Variants in ENPP6 observed in about 807,000 individuals in gnomAD.
ENPP6 encodes glycerophosphocholine cholinephosphodiesterase ENPP6.
ENPP6 carries 32 observed loss-of-function variants against 42.0 expected under a neutral mutation model. That is an observed-to-expected ratio of 0.76 (90% CI 0.58 to 1.02). ENPP6 has a LOEUF of 1.02. Among genes scored for constraint, ENPP6 ranks in the 50% least tolerant of loss-of-function variants. The pLI, the probability that ENPP6 is intolerant of heterozygous loss-of-function variation, is 0.00. For missense variants in ENPP6, 552 were observed against 566.8 expected (o/e 0.97, Z 0.27); for synonymous variants, 213 against 216.0 (o/e 0.99, Z 0.12).
intron 1 of ENPP6, among the ~76,000 whole-genome samples, chr4:184,161,474 G>T (rs1053595472): frequency 3.3e-5 from 5 of 152,148 alleles, no homozygotes; most frequent in Non-Finnish European, 5.9e-5. Context: ...AAGTGTGGAG[G>T]TTCCTTAAGA....
At chr4:184,110,473 T>C (rs1736180405) in intron 6 of ENPP6, among the ~76,000 whole-genome samples, 1 of 152,252 alleles carries the variant, frequency 6.6e-6, no homozygotes, top group South Asian at 2.1e-4. Flanking sequence ...TAACTGTGTA[T>C]GTTTTCTTCT....
intron 1 of ENPP6, among the ~76,000 whole-genome samples, chr4:184,157,499 T>A (rs1737183482): frequency 6.6e-6 from 1 of 151,398 alleles, no homozygotes; most frequent in African/African-American, 2.4e-5. Context: ...CTTTCCTTTC[T>A]TTCCTCTTTT....
At chr4:184,150,751 A>G (rs1737010450) in intron 2 of ENPP6, among the ~76,000 whole-genome samples, 1 of 152,238 alleles carries the variant, frequency 6.6e-6, no homozygotes, top group African/African-American at 2.4e-5. Context: ...ACTTTATTCT[A>G]TATCTATGAA....
intron 6 of ENPP6, among the ~76,000 whole-genome samples, chr4:184,105,674 T>A (rs12508805): frequency 0.33 from 50,555 of 152,108 alleles, 9,702 homozygotes; most frequent in East Asian, 0.53. Context: ...GACCAAAATT[T>A]TTTTTAAAAT....
At chr4:184,174,606 A>G (rs578256292) in intron 1 of ENPP6, among the ~76,000 whole-genome samples, 1 of 9,692 alleles carries the variant, frequency 1.0e-4, no homozygotes, top group African/African-American at 1.3e-4. Flanking sequence ...AGACTCAGAC[A>G]GGTGAAGTAA....
chr4:184,157,793 T>C (rs935428678), intron 1 of ENPP6, among the ~76,000 whole-genome samples: 2 of 139,328 alleles, frequency 1.4e-5, no homozygotes, highest in Admixed American at 1.5e-4. Context: ...TTTTTTTTTG[T>C]ATTTTTTGTA....
rs143228909 is a variant in ENPP6 at position 184,099,662 on chromosome 4, C to T, written c.994-2294G>A. Among the ~76,000 whole-genome samples, 24 of 152,372 alleles carry T rather than the reference C, an allele frequency of 1.6e-4. No individual in the cohort carries two copies. The East Asian group carries it at 4.6e-3, about 29-fold the overall frequency. ...CATAAATCGCCCCCTCGCATTGCAG[C>T]TTTCCAAGTTTCTCTGTTTCCTGAG... On this transcript the variant is annotated intron_variant, in intron 6 of 7. Coordinates refer to ENST00000296741, the MANE Select transcript of ENPP6 (RefSeq NM_153343.4).
chr4:184,122,587 G>A (rs1736436043), intron 3 of ENPP6, among the ~76,000 whole-genome samples: 1 of 152,196 alleles, frequency 6.6e-6, no homozygotes, highest in Admixed American at 6.5e-5. Context: ...GTGCCAACCT[G>A]CACTGGCACT....
Position 184,112,665 on chromosome 4 carries a change from T to A in ENPP6, c.993+7A>T. On this transcript the variant is annotated splice_region_variant and intron_variant, in intron 6 of 7. Transcript: ENST00000296741. ...AGAGAATAAATTGGCACATATTTCA[T>A]AATTACCTCAGTTATGAACCAGCCT... The A allele has an allele frequency of 3.1e-6, 5 of 1,610,736 alleles. No homozygotes were observed. The highest frequency in any genetic ancestry group is 4.2e-6 in the Non-Finnish European group (5 of 1,178,922).
chr4:184,094,967 A>G (rs535818520), intron 7 of ENPP6, among the ~76,000 whole-genome samples: 36 of 152,388 alleles, frequency 2.4e-4, no homozygotes, highest in Non-Finnish European at 3.7e-4. Flanking sequence ...CTAAGGGAGA[A>G]GCACATACAG....
At chr4:184,131,219 T>TC (rs879941728) in intron 2 of ENPP6, among the ~76,000 whole-genome samples, 9 of 82,316 alleles carry the variant, frequency 1.1e-4, no homozygotes, top group African/African-American at 3.3e-4. Context: ...TTTCTTTCTT[T>TC]TTCTTTCTTT....
At chr4:184,157,943 T>C (rs994728536) in intron 1 of ENPP6, among the ~76,000 whole-genome samples, 2 of 152,048 alleles carry the variant, frequency 1.3e-5, no homozygotes, top group African/African-American at 4.8e-5. Flanking sequence ...ACAGTGGACA[T>C]CTATAAGGTT....
In ENPP6 at chr4:184,106,548, C is replaced by T. The variant is rs527929075; in HGVS notation, c.993+6124G>A. On this transcript the variant is annotated intron_variant, in intron 6 of 7. Coordinates refer to ENST00000296741, the MANE Select transcript of ENPP6 (RefSeq NM_153343.4). Reference sequence around the variant, plus strand: ...TCCCTCAGCCTGGAGAGCACTTCCTCTTCCCGCCTGACCACTGAGCACTCC... The same window carrying T: ...TCCCTCAGCCTGGAGAGCACTTCCTTTTCCCGCCTGACCACTGAGCACTCC... Among the ~76,000 whole-genome samples, 202 of 152,222 alleles carry T rather than the reference C, an allele frequency of 1.3e-3. 2 individuals are homozygous for T. In the South Asian group the frequency reaches 0.041, roughly 31 times the overall value.
chr4:184,154,077 C>G (rs1048543091), intron 1 of ENPP6, among the ~76,000 whole-genome samples: 1 of 152,128 alleles, frequency 6.6e-6, no homozygotes, highest in African/African-American at 2.4e-5. Flanking sequence ...GACTTGGTCT[C>G]AGATTCTCAC....
intron 1 of ENPP6, among the ~76,000 whole-genome samples, chr4:184,169,605 C>T (rs2111091204): frequency 6.6e-6 from 1 of 152,350 alleles, no homozygotes; most frequent in East Asian, 1.9e-4. Flanking sequence ...CTCCTCTGAG[C>T]TCACAGCTCC....
In ENPP6 at chr4:184,124,223, A is replaced by G; in HGVS notation, c.471T>C (p.Tyr157=). Residue 157 remains tyrosine, a synonymous_variant, in exon 3 of 8, where the codon TAT becomes TAC. Transcript: ENST00000296741. The stretch of plus-strand genomic sequence containing the variant: ...AATTGATATCCGTTGGGACATTTTT[A>G]TATTCTAGGCAGTAGGTGGGTCTGA... ...LGVRPTYCLE[Y]KNVPTDINFA... 1 of 1,614,098 alleles carries G rather than the reference A, an allele frequency of 6.2e-7. No homozygotes were observed.
At chr4:184,133,175 A>T (rs1157210095) in intron 2 of ENPP6, among the ~76,000 whole-genome samples, 5 of 152,058 alleles carry the variant, frequency 3.3e-5, no homozygotes, top group African/African-American at 1.2e-4. Flanking sequence ...ACACACACAC[A>T]CACACACACA....
chr4:184,123,404 G>A (rs2111351551), intron 3 of ENPP6, among the ~76,000 whole-genome samples: 1 of 152,144 alleles, frequency 6.6e-6, no homozygotes, highest in South Asian at 2.1e-4. Flanking sequence ...TGATTATGGT[G>A]GGTCTTCTGC....
At chr4:184,176,721 G>A (rs1252618699) in intron 1 of ENPP6, among the ~76,000 whole-genome samples, 3 of 80,168 alleles carry the variant, frequency 3.7e-5, no homozygotes, top group Non-Finnish European at 9.9e-5. Flanking sequence ...GACATAACAA[G>A]AATTTTAATC....
Sources: allele counts gnomAD v4.1 joint callset (sites outside exome capture counted in the v4.1 genomes callset), GRCh38; gene constraint gnomAD v4.1.1; transcripts MANE v1.5; gene names NCBI Gene and HGNC (gene_info 2026-07-23, HGNC 2026-07-21).